Variants in CCDC15 observed in about 807,000 individuals in gnomAD.
CCDC15 encodes coiled-coil domain-containing protein 15.
A neutral mutation model predicts 114.5 loss-of-function variants in CCDC15; 105 were observed. The ratio of observed to expected loss-of-function variants is 0.92; its 90% CI spans 0.78 to 1.08. The LOEUF is 1.08. Ranked by LOEUF, CCDC15 falls within the 50% of genes least tolerant of loss-of-function variation. CCDC15 has a pLI of 0.00. For missense variants in CCDC15, 1,105 were observed against 1,093.6 expected, an observed-to-expected ratio of 1.01 and a Z score of -0.15; for synonymous variants, 334 against 377.8, an observed-to-expected ratio of 0.88 and a Z score of 1.34.
chr11:124,961,174 C>A (rs951589619), intron 4 of CCDC15, among the ~76,000 whole-genome samples: 1 of 152,204 alleles, frequency 6.6e-6, no homozygotes, highest in Non-Finnish European at 1.5e-5. Context: ...ACAGTCCTTG[C>A]TTTCGTGGTG....
At chr11:124,994,297 G>C (rs1328154640) in intron 11 of CCDC15, among the ~76,000 whole-genome samples, 1 of 152,164 alleles carries the variant, frequency 6.6e-6, no homozygotes, top group Non-Finnish European at 1.5e-5. Flanking sequence ...CAGGGTATGA[G>C]CAGTGGAATT....
chr11:124,977,367 C>A, intron 5 of CCDC15, 111 bp from the exon 6 acceptor site: 1 of 1,022,508 alleles, frequency 9.8e-7, no homozygotes, highest in South Asian at 2.1e-5. Context: ...GTGTATTAGA[C>A]TACCAAAACC....
At chr11:124,956,328 A>G (rs1947547956) in intron 2 of CCDC15, among the ~76,000 whole-genome samples, 1 of 152,130 alleles carries the variant, frequency 6.6e-6, no homozygotes, top group Non-Finnish European at 1.5e-5. Context: ...AATAGAGAAG[A>G]ACAGCCTTGA....
At chr11:125,005,838 T>C (rs1948547872) in intron 13 of CCDC15, among the ~76,000 whole-genome samples, 1 of 152,180 alleles carries the variant, frequency 6.6e-6, no homozygotes, top group African/African-American at 2.4e-5. Flanking sequence ...AGATTGGCTT[T>C]TTATACTTAG....
At chr11:125,006,626 A>G (rs1235079310) in intron 13 of CCDC15, among the ~76,000 whole-genome samples, 2 of 152,006 alleles carry the variant, frequency 1.3e-5, no homozygotes, top group Non-Finnish European at 2.9e-5. Flanking sequence ...CTCCTGTGTT[A>G]CCTTCTAGGA....
intron 15 of CCDC15, 81 bp from the exon 16 acceptor site, chr11:125,040,509 A>C: frequency 7.9e-7 from 1 of 1,267,376 alleles, no homozygotes; most frequent in Non-Finnish European, 1.1e-6. Context: ...CTTGGTAGAG[A>C]AGCAGTACTA....
chr11:124,987,526 C>T lies in CCDC15; in HGVS notation c.1300C>T (p.Leu434Phe), dbSNP rs1268736590. The T allele has an allele frequency of 6.2e-7, 1 of 1,614,064 alleles. No individual in the cohort carries two copies. The highest frequency in any genetic ancestry group is 8.5e-7 in the Non-Finnish European group (1 of 1,179,910). Residue 434 changes from leucine to phenylalanine, a missense_variant, in exon 8 of 16, where the codon CTC becomes TTC. By Grantham distance (22) the Leu-to-Phe change is conservative. Coordinates refer to ENST00000344762, the MANE Select transcript of CCDC15 (RefSeq NM_025004.3). ...TGTTTTACTCAAAGACCACTGTGTT[C>T]TCCCTAAAGACCAGAGTATTCTACT... ...QDVLLKDHCV[L>F]PKDQSILLKY...
intron 13 of CCDC15, among the ~76,000 whole-genome samples, chr11:125,019,665 C>T (rs1013931550): frequency 1.5e-4 from 23 of 151,942 alleles, no homozygotes; most frequent in Admixed American, 3.9e-4. Flanking sequence ...AGGATAACTC[C>T]CAGATTTATG....
chr11:124,995,800 C>T (rs565170073), intron 11 of CCDC15, among the ~76,000 whole-genome samples: 13 of 151,940 alleles, frequency 8.6e-5, no homozygotes, highest in African/African-American at 2.2e-4. Context: ...CTGTTACTAT[C>T]CCTGGAAATT....
At chr11:125,006,129 A>G (rs1451347585) in intron 13 of CCDC15, among the ~76,000 whole-genome samples, 3 of 152,194 alleles carry the variant, frequency 2.0e-5, no homozygotes, top group Admixed American at 2.0e-4. Context: ...TAGCTTTATA[A>G]GACACTACCA....
At chr11:125,022,076 A>G (rs1445068561) in intron 13 of CCDC15, among the ~76,000 whole-genome samples, 1 of 151,922 alleles carries the variant, frequency 6.6e-6, no homozygotes. Flanking sequence ...AGCTCCTGTG[A>G]TCTTAGGCTC....
At chr11:124,969,010 A>T (rs1307056569) in intron 4 of CCDC15, among the ~76,000 whole-genome samples, 2 of 152,218 alleles carry the variant, frequency 1.3e-5, no homozygotes, top group African/African-American at 4.8e-5. Context: ...GGTAATAAAA[A>T]ATAAGATAGC....
At chr11:124,997,992 A>G (rs141564139) in intron 11 of CCDC15, among the ~76,000 whole-genome samples, 2 of 152,300 alleles carry the variant, frequency 1.3e-5, no homozygotes, top group East Asian at 3.9e-4. Flanking sequence ...CAAGGAAATG[A>G]GGAACATGGA....
chr11:125,011,563 T>C (rs879536693), intron 13 of CCDC15, among the ~76,000 whole-genome samples: 1 of 152,120 alleles, frequency 6.6e-6, no homozygotes, highest in African/African-American at 2.4e-5. Flanking sequence ...GAAGAATTCA[T>C]TTAAAAAAAC....
chr11:124,971,456 C>T (rs1461804014), intron 4 of CCDC15, among the ~76,000 whole-genome samples: 1 of 152,190 alleles, frequency 6.6e-6, no homozygotes, highest in East Asian at 1.9e-4. Context: ...AAGTAGGCTT[C>T]AGAAGGTCGG....
chr11:125,014,900 C>T (rs1948618269), intron 13 of CCDC15, among the ~76,000 whole-genome samples: 1 of 152,070 alleles, frequency 6.6e-6, no homozygotes, highest in Non-Finnish European at 1.5e-5. Flanking sequence ...TTCAAGTGCC[C>T]GTGGAACATT....
At chr11:125,010,438 C>T (rs763738414) in intron 13 of CCDC15, among the ~76,000 whole-genome samples, 4 of 151,230 alleles carry the variant, frequency 2.6e-5, no homozygotes, top group Non-Finnish European at 4.4e-5. Flanking sequence ...TCTCAGCTCA[C>T]TGCAATGTCT....
Position 125,038,999 on chromosome 11 carries a change from T to A in CCDC15, c.2664T>A (p.Cys888Ter). The A allele has an allele frequency of 2.5e-6, 4 of 1,612,198 alleles. No individual in the cohort carries two copies. The highest frequency in any genetic ancestry group is 3.4e-6 in the Non-Finnish European group (4 of 1,178,754). ...YNITLPPLCC[C>*]GPDFWDAHPD... ...TTACTTTACCTCCACTATGCTGTTG[T>A]GGTCCTGATTTTTGGGATGCTCATC... Residue 888 changes from cysteine (C) to a stop codon, truncating the protein, a stop_gained, in exon 15 of 16, where the codon TGT (cysteine) becomes TGA (stop). Transcript: ENST00000344762. LOFTEE classifies it high-confidence loss of function.
Position 124,987,364 on chromosome 11 carries a change from GA to G in CCDC15, c.1140del (p.Gly381AlafsTer13). On this transcript the variant is annotated frameshift_variant, in exon 8 of 16. Coordinates refer to ENST00000344762, the MANE Select transcript of CCDC15 (RefSeq NM_025004.3). LOFTEE classifies it high-confidence loss of function. Reference protein sequence around the residue: ...TEPEGQAIEPEGQPIKTETQG... With the variant: ...TEPEGQAIEPXGQPIKTETQG... ...GCCAGAAGGCCAGGCCATTGAGCCAGAAGGCCAGCCTATTAAGACAGAAACT... is the reference window on the plus strand; with the variant it reads ...GCCAGAAGGCCAGGCCATTGAGCCAGAGGCCAGCCTATTAAGACAGAAACT... 1 of 1,613,998 alleles carries G rather than the reference GA, an allele frequency of 6.2e-7. No homozygotes were observed. Among genetic ancestry groups the G allele is most frequent in the Non-Finnish European group, 8.5e-7 (1 of 1,179,886 alleles).
Sources: allele counts gnomAD v4.1 joint callset (sites outside exome capture counted in the v4.1 genomes callset), GRCh38; gene constraint gnomAD v4.1.1; transcripts MANE v1.5; gene names NCBI Gene and HGNC (gene_info 2026-07-23, HGNC 2026-07-21).